CLASP1: variants seen among roughly 807,000 people sequenced by gnomAD.
CLASP1 encodes cytoplasmic linker associated protein 1, also known as CLIP-associating protein 1.
Under a neutral mutation model 192.3 loss-of-function variants are expected in CLASP1, and 38 were observed. The observed-to-expected ratio is 0.20, with a 90% CI of 0.15 to 0.26. The LOEUF is 0.26. Ranked by LOEUF, CLASP1 falls within the 10% of genes least tolerant of loss-of-function variation. The pLI, the probability that CLASP1 is intolerant of heterozygous loss-of-function variation, is 1.00. For missense variants in CLASP1, 1,433 were observed against 1,932.5 expected, an observed-to-expected ratio of 0.74 and a Z score of 4.85; for synonymous variants, 691 against 712.8, an observed-to-expected ratio of 0.97 and a Z score of 0.49.
In CLASP1 at chr2:121,526,543, G is replaced by C. The variant is rs182528804; in HGVS notation, c.471-623C>G. Among the ~76,000 whole-genome samples, 5 of 152,140 alleles carry C rather than the reference G, an allele frequency of 3.3e-5. No homozygotes were observed. In the East Asian group the frequency reaches 7.7e-4, roughly 23 times the overall value. On this transcript the variant is annotated intron_variant, in intron 5 of 39. Transcript: ENST00000263710. ...ACATTCCTAAAACTGGAGCTACTGT[G>C]ATCAAAGGCTAGAAGTTTTCTTTTT...
intron 1 of CLASP1, among the ~76,000 whole-genome samples, chr2:121,636,077 G>A (rs2070777856): frequency 6.6e-6 from 1 of 152,092 alleles, no homozygotes; most frequent in Non-Finnish European, 1.5e-5. Flanking sequence ...GGTGGCTCAT[G>A]CCTGTAATCC....
chr2:121,459,562 T>C (rs1474821400), intron 12 of CLASP1: 1 of 156,338 alleles, frequency 6.4e-6, no homozygotes, highest in African/African-American at 2.4e-5. Context: ...TGATCACTAG[T>C]ACACGTACAG....
intron 34 of CLASP1, among the ~76,000 whole-genome samples, chr2:121,371,934 G>C (rs2068828530): frequency 6.6e-6 from 1 of 152,082 alleles, no homozygotes; most frequent in Non-Finnish European, 1.5e-5. Flanking sequence ...CTGTGATCTG[G>C]TTTCCATTCT....
intron 9 of CLASP1, among the ~76,000 whole-genome samples, chr2:121,465,064 T>C (rs1402508851): frequency 1.3e-5 from 2 of 152,198 alleles, no homozygotes; most frequent in African/African-American, 4.8e-5. Flanking sequence ...GCCAATATCA[T>C]GCTGAATGGG....
At chr2:121,340,816 C>T (rs1209582225) in exon 40 of CLASP1, 1 of 1,449,908 alleles carries the variant, frequency 6.9e-7, no homozygotes, top group Non-Finnish European at 9.6e-7. Flanking sequence ...CTCTGAGAGG[C>T]ACCACCGATT....
At chr2:121,647,614 A>T (rs1193986352) in intron 1 of CLASP1, among the ~76,000 whole-genome samples, 1 of 151,548 alleles carries the variant, frequency 6.6e-6, no homozygotes, top group Non-Finnish European at 1.5e-5. Context: ...GCTATCAATT[A>T]AAAAAAAAGT....
chr2:121,497,273 C>T (rs1575469439), intron 8 of CLASP1, among the ~76,000 whole-genome samples: 1 of 152,198 alleles, frequency 6.6e-6, no homozygotes, highest in South Asian at 2.1e-4. Context: ...AAAAATGACA[C>T]CCAATCTTTA....
At chr2:121,533,454 T>C (rs1276590708) in intron 2 of CLASP1, among the ~76,000 whole-genome samples, 2 of 152,122 alleles carry the variant, frequency 1.3e-5, no homozygotes, top group African/African-American at 2.4e-5. Flanking sequence ...GCCTCGTGGG[T>C]TGTTGTGAGG....
At chr2:121,561,123 T>C (rs2059047160) in intron 2 of CLASP1, among the ~76,000 whole-genome samples, 1 of 152,136 alleles carries the variant, frequency 6.6e-6, no homozygotes, top group South Asian at 2.1e-4. Context: ...GCCAGGTTGG[T>C]CTCGAACTCC....
intron 14 of CLASP1, among the ~76,000 whole-genome samples, chr2:121,455,077 G>A (rs1337497051): frequency 6.6e-6 from 1 of 152,198 alleles, no homozygotes; most frequent in Non-Finnish European, 1.5e-5. Context: ...TCTAGGGGAA[G>A]CTAAAGCTGT....
intron 2 of CLASP1, among the ~76,000 whole-genome samples, chr2:121,580,955 C>T (rs1305223641): frequency 2.6e-5 from 4 of 152,144 alleles, no homozygotes; most frequent in Non-Finnish European, 5.9e-5. Flanking sequence ...TCTTTAAAAA[C>T]CACTTAGAAA....
Position 121,577,491 on chromosome 2 carries a change from G to T in CLASP1, c.195+28210C>A, listed in dbSNP as rs534768300. Among the ~76,000 whole-genome samples, 13 of 152,252 alleles carry T rather than the reference G, an allele frequency of 8.5e-5. No individual in the cohort carries two copies. In the South Asian group the frequency reaches 2.5e-3, roughly 29 times the overall value. On this transcript the variant is annotated intron_variant, in intron 2 of 39. Transcript: ENST00000263710. ...AAACAGGCTATAGAATAGCATATAT[G>T]GTGAAATTCTAATGTGATATATGCA...
intron 37 of CLASP1, among the ~76,000 whole-genome samples, chr2:121,361,259 A>G (rs1157112263): frequency 6.6e-6 from 1 of 152,224 alleles, no homozygotes; most frequent in Non-Finnish European, 1.5e-5. Flanking sequence ...TGGGAGGTGG[A>G]GGTTACAGTG....
Position 121,373,133 on chromosome 2 carries a change from G to A in CLASP1, c.3642+4366C>T, listed in dbSNP as rs111802422. Among the ~76,000 whole-genome samples the A allele has an allele frequency of 5.9e-5, 9 of 152,252 alleles. No individual in the cohort carries two copies. The South Asian group carries it at 8.3e-4, about 14-fold the overall frequency. ...ACCTGGTGGGAGGTAATTCGATCACGGGGGTGGAATTCCCCCTTGCTGTTC... is the reference window on the plus strand; with the variant it reads ...ACCTGGTGGGAGGTAATTCGATCACAGGGGTGGAATTCCCCCTTGCTGTTC... On this transcript the variant is annotated intron_variant, in intron 34 of 39. Coordinates refer to ENST00000263710, the Ensembl canonical transcript of CLASP1.
chr2:121,519,299 C>T (rs76233335), intron 6 of CLASP1, among the ~76,000 whole-genome samples: 2,193 of 152,248 alleles, frequency 0.014, 50 homozygotes, highest in African/African-American at 0.049. Flanking sequence ...TGAACTGAAA[C>T]GCCTACACAG....
intron 26 of CLASP1, 114 bp downstream of exon 27, chr2:121,404,257 C>T: frequency 6.7e-7 from 1 of 1,486,160 alleles, no homozygotes; most frequent in Non-Finnish European, 9.0e-7. Context: ...CGGTGTGACT[C>T]TGTAAGGTCG....
chr2:121,446,629 C>T (rs1023637452), intron 19 of CLASP1, among the ~76,000 whole-genome samples: 36 of 152,132 alleles, frequency 2.4e-4, no homozygotes, highest in African/African-American at 8.2e-4. Context: ...ACGAAATAAA[C>T]AATTAGCCTG....
chr2:121,639,715 T>C (rs1287099746), intron 1 of CLASP1, among the ~76,000 whole-genome samples: 1 of 151,442 alleles, frequency 6.6e-6, no homozygotes, highest in Non-Finnish European at 1.5e-5. Context: ...AATACAAAAT[T>C]AGCCAGGCAT....
rs1559371349 is a variant in CLASP1, at chr2:121,479,056, C to CACA, written c.713-9097_713-9096insTGT. On this transcript the variant is annotated intron_variant, in intron 8 of 39. Transcript: ENST00000263710. ...CCCCACACACACACACACCCCCCCC[C>CACA]CACACACACACACACACACCATCAA... Among the ~76,000 whole-genome samples, 19 of 101,214 alleles carry CACA rather than the reference C, an allele frequency of 1.9e-4. 3 individuals are homozygous for CACA. Among genetic ancestry groups the CACA allele is most frequent in the Non-Finnish European group, 3.5e-4 (18 of 51,044 alleles). 66.4% of individuals were successfully genotyped at this position (101,214 alleles called of 152,430 possible).
Sources: gnomAD v4.1 joint callset for allele counts (sites outside exome capture counted in the v4.1 genomes callset) on GRCh38, gnomAD v4.1.1 for gene constraint, MANE v1.5 for transcripts, NCBI Gene and HGNC (gene_info 2026-07-23, HGNC 2026-07-21) for gene names.